DIAPH3: variants seen among roughly 807,000 people sequenced by gnomAD.
DIAPH3 encodes the protein protein diaphanous homolog 3.
In DIAPH3, 117 loss-of-function variants were observed where a neutral mutation model predicts 144.3. The ratio of observed to expected loss-of-function variants is 0.81; its 90% CI spans 0.70 to 0.95. The LOEUF (loss-of-function observed/expected upper bound fraction) is 0.95, where lower values mean the gene tolerates loss of function less well. Ranked by LOEUF, DIAPH3 falls within the 40% of genes least tolerant of loss-of-function variation. The pLI, the probability that DIAPH3 is intolerant of heterozygous loss-of-function variation, is 0.00. For missense variants in DIAPH3, 1,421 were observed against 1,412.7 expected, an observed-to-expected ratio of 1.01 and a Z score of -0.09; for synonymous variants, 519 against 488.9, an observed-to-expected ratio of 1.06 and a Z score of -0.81.
chr13:59,957,426 T>C (rs907285252), intron 17 of DIAPH3, among the ~76,000 whole-genome samples: 1 of 152,200 alleles, frequency 6.6e-6, no homozygotes, highest in Non-Finnish European at 1.5e-5. Flanking sequence ...TGCCACCATG[T>C]AAGATGGGCT....
intron 7 of DIAPH3, among the ~76,000 whole-genome samples, chr13:60,014,788 C>T (rs1441266447): frequency 1.3e-5 from 2 of 152,078 alleles, no homozygotes; most frequent in African/African-American, 4.8e-5. Context: ...GCAACTTAAA[C>T]ACCTATCATC....
At chr13:59,739,741 G>A (rs56023162) in intron 27 of DIAPH3, among the ~76,000 whole-genome samples, 6,455 of 152,034 alleles carry the variant, frequency 0.042, 158 homozygotes, top group African/African-American at 0.05. Context: ...TTATCACAGC[G>A]CTACAGAGAC....
chr13:60,047,213 C>G (rs1278125664), intron 4 of DIAPH3, among the ~76,000 whole-genome samples: 1 of 151,278 alleles, frequency 6.6e-6, no homozygotes, highest in African/African-American at 2.4e-5. Context: ...AACGTTATAC[C>G]ATACTCACAG....
Position 60,068,489 on chromosome 13 carries a change from T to C in DIAPH3, c.495+25139A>G, listed in dbSNP as rs953859243. On this transcript the variant is annotated intron_variant, in intron 4 of 27. Coordinates refer to ENST00000400324, the MANE Select transcript of DIAPH3 (RefSeq NM_001042517.2). ...CAGATCCTTAGCCCATTTTTCTTTGTCTTTTTTTTTATTCCAACATTTATT... is the reference window on the plus strand; with the variant it reads ...CAGATCCTTAGCCCATTTTTCTTTGCCTTTTTTTTTATTCCAACATTTATT... Among the ~76,000 whole-genome samples the C allele has an allele frequency of 2.6e-5, 4 of 152,292 alleles. No individual in the cohort carries two copies. In the South Asian group the frequency reaches 8.3e-4, roughly 32 times the overall value.
chr13:59,793,408 A>G (rs1240768199), intron 25 of DIAPH3, among the ~76,000 whole-genome samples: 2 of 152,018 alleles, frequency 1.3e-5, no homozygotes, highest in Non-Finnish European at 2.9e-5. Context: ...TTTCTTACTC[A>G]TATCTCAGTC....
In DIAPH3 at chr13:60,112,177, ATTTG is replaced by A. The variant is rs767024661; in HGVS notation, c.219_222del (p.Lys74LeufsTer4). 4.1e-5 allele frequency: 66 copies of A among 1,614,002 alleles called. No individual in the cohort carries two copies. In the Admixed American group the frequency reaches 8.3e-4, roughly 20 times the overall value. ...CTCCCTGGAATTCTTATGCTGGCAA[ATTTG>A]TCCAGCTACAAAGAAAGACAGAATG... On this transcript the variant is annotated frameshift_variant, in exon 3 of 28. Transcript: ENST00000400324. LOFTEE classifies it high-confidence loss of function.
chr13:59,797,238 A>T (rs2039659114), intron 25 of DIAPH3, among the ~76,000 whole-genome samples: 1 of 152,050 alleles, frequency 6.6e-6, no homozygotes, highest in South Asian at 2.1e-4. Flanking sequence ...CTGTTTATTT[A>T]TCTTAAATGT....
chr13:60,120,158 G>A (rs564540789), intron 2 of DIAPH3, among the ~76,000 whole-genome samples: 1 of 152,194 alleles, frequency 6.6e-6, no homozygotes, highest in Admixed American at 6.5e-5. Flanking sequence ...CAGGGAACTT[G>A]TGATGCTGAT....
intron 24 of DIAPH3, among the ~76,000 whole-genome samples, chr13:59,816,083 C>T (rs117680465): frequency 0.012 from 1,792 of 152,030 alleles, 16 homozygotes; most frequent in Middle Eastern, 0.034. Flanking sequence ...TTTTTTTTCC[C>T]ATTAGACTCA....
In DIAPH3 at chr13:59,854,486, T is replaced by G. The variant is rs533984746; in HGVS notation, c.2737+6921A>C. 5.1e-4 allele frequency among the ~76,000 whole-genome samples: 78 copies of G among 152,272 alleles called. 1 individual carries two copies. Among genetic ancestry groups the G allele is most frequent in the Non-Finnish European group, 5.9e-5 (4 of 68,010 alleles). ...ATACCTCTTCCCCCAATTGGTTACA[T>G]GTCAACCTTGTCTCCAACAAGATTC... On this transcript the variant is annotated intron_variant, in intron 22 of 27. Coordinates refer to ENST00000400324, the MANE Select transcript of DIAPH3 (RefSeq NM_001042517.2).
At chr13:59,987,495 A>T (rs1166594455) in intron 12 of DIAPH3, among the ~76,000 whole-genome samples, 1 of 131,286 alleles carries the variant, frequency 7.6e-6, no homozygotes, top group Admixed American at 8.9e-5. Context: ...AAAAAGAAAA[A>T]AAAAAAAGAC....
At chr13:59,679,197 A>C (rs1368870780) in intron 27 of DIAPH3, among the ~76,000 whole-genome samples, 1 of 152,216 alleles carries the variant, frequency 6.6e-6, no homozygotes, top group Non-Finnish European at 1.5e-5. Context: ...ATGTCACTTC[A>C]GTTATTTTTT....
intron 24 of DIAPH3, among the ~76,000 whole-genome samples, chr13:59,832,157 G>T (rs1471357653): frequency 6.6e-6 from 1 of 151,748 alleles, no homozygotes; most frequent in South Asian, 2.1e-4. Flanking sequence ...ATTCATTTCT[G>T]GCAATGAAAA....
intron 20 of DIAPH3, among the ~76,000 whole-genome samples, chr13:59,879,869 A>G (rs577082877): frequency 6.6e-6 from 1 of 152,314 alleles, no homozygotes; most frequent in South Asian, 2.1e-4. Flanking sequence ...ACACATTCAG[A>G]AAAGTCTAAA....
At chr13:59,991,103 C>T in intron 12 of DIAPH3, 55 bp downstream of exon 12, 1 of 1,144,864 alleles carries the variant, frequency 8.7e-7, no homozygotes, top group Non-Finnish European at 1.3e-6. Context: ...GTGAATTTCA[C>T]AATTAATAGA....
chr13:59,671,604 C>A (rs903773191), intron 27 of DIAPH3, among the ~76,000 whole-genome samples: 1 of 152,120 alleles, frequency 6.6e-6, no homozygotes, highest in African/African-American at 2.4e-5. Context: ...AGGCAAAGAA[C>A]CAGCTGCTAT....
At position 60,163,733 on chromosome 13, in the gene DIAPH3, C is replaced by A; in HGVS notation, c.34G>T (p.Ala12Ser). 6.2e-7 allele frequency: 1 copy of A among 1,605,442 alleles called. No individual in the cohort carries two copies. The highest frequency in any genetic ancestry group is 8.5e-7 in the Non-Finnish European group (1 of 1,176,308). Residue 12 changes from alanine (A) to serine (S), a missense_variant, in exon 1 of 28, where the codon GCC (alanine) becomes TCC (serine). Transcript: ENST00000400324. ...GGAGTCCCAGCGGCTGAGCCTTGGG[C>A]CGGGTGGTGCAGCCGCGGCTGGTGC... ...ERHQPRLHHP[A>S]QGSAAGTPYP...
At chr13:60,062,059 T>A (rs1456813652) in intron 4 of DIAPH3, among the ~76,000 whole-genome samples, 1 of 152,158 alleles carries the variant, frequency 6.6e-6, no homozygotes. Context: ...ACCTTAGGTT[T>A]ATTTCCCCTA....
chr13:59,727,707 T>C (rs2035675083), intron 27 of DIAPH3, among the ~76,000 whole-genome samples: 1 of 152,144 alleles, frequency 6.6e-6, no homozygotes, highest in Admixed American at 6.5e-5. Context: ...TAGGAAGACG[T>C]GATGTAGAGA....
Sources: gnomAD v4.1 joint callset for allele counts (sites outside exome capture counted in the v4.1 genomes callset) on GRCh38, gnomAD v4.1.1 for gene constraint, MANE v1.5 for transcripts, NCBI Gene and HGNC (gene_info 2026-07-23, HGNC 2026-07-21) for gene names.